THSD7A: variants seen among roughly 807,000 people sequenced by gnomAD.
THSD7A encodes thrombospondin type-1 domain-containing protein 7A.
A neutral mutation model predicts 231.3 loss-of-function variants in THSD7A; 96 were observed. That is an observed-to-expected ratio of 0.41 (90% CI 0.35 to 0.49). The LOEUF is 0.49. Among genes scored for constraint, THSD7A ranks in the 20% least tolerant of loss-of-function variants. The probability of loss-of-function intolerance (pLI) is 0.05; values close to 1 mark genes in which losing one functional copy is unlikely to be tolerated. For missense variants in THSD7A, 2,290 were observed against 2,070.2 expected (o/e 1.11, Z -2.06); for synonymous variants, 940 against 743.3 (o/e 1.26, Z -4.30).
At chr7:11,580,042 T>C (rs1791088626) in intron 4 of THSD7A, among the ~76,000 whole-genome samples, 1 of 152,180 alleles carries the variant, frequency 6.6e-6, no homozygotes, top group Non-Finnish European at 1.5e-5. Context: ...AATTTTGAAA[T>C]CTGGCTGTTT....
intron 4 of THSD7A, among the ~76,000 whole-genome samples, chr7:11,589,021 G>T (rs1780041842): frequency 6.6e-6 from 1 of 152,066 alleles, no homozygotes; most frequent in African/African-American, 2.4e-5. Context: ...ATGAATTACT[G>T]GTCACTGGTG....
chr7:11,417,821 T>C (rs1406929757), intron 16 of THSD7A, among the ~76,000 whole-genome samples: 1 of 152,170 alleles, frequency 6.6e-6, no homozygotes, highest in East Asian at 1.9e-4. Flanking sequence ...TGCTTCTGCA[T>C]GATTCAAAAA....
At chr7:11,437,670 G>A (rs2128292396) in intron 13 of THSD7A, among the ~76,000 whole-genome samples, 1 of 152,102 alleles carries the variant, frequency 6.6e-6, no homozygotes, top group South Asian at 2.1e-4. Flanking sequence ...TTGTTTACAA[G>A]ACTCTATTTA....
intron 13 of THSD7A, among the ~76,000 whole-genome samples, chr7:11,432,551 A>G (rs2128290808): frequency 6.6e-6 from 1 of 152,192 alleles, no homozygotes; most frequent in African/African-American, 2.4e-5. Context: ...AATTTCATGT[A>G]AATCGAATCA....
chr7:11,620,938 C>A (rs542061439), intron 2 of THSD7A, among the ~76,000 whole-genome samples: 90 of 152,270 alleles, frequency 5.9e-4, no homozygotes, highest in African/African-American at 2.1e-3. Flanking sequence ...CCAATTTATT[C>A]TCAGCTTCAC....
intron 1 of THSD7A, among the ~76,000 whole-genome samples, chr7:11,679,795 T>C (rs934994174): frequency 6.6e-6 from 1 of 152,056 alleles, no homozygotes; most frequent in African/African-American, 2.4e-5. Flanking sequence ...GATTTAATGC[T>C]ATCCTGATCA....
intron 1 of THSD7A, among the ~76,000 whole-genome samples, chr7:11,747,562 T>C (rs1782351106): frequency 6.6e-6 from 1 of 152,002 alleles, no homozygotes; most frequent in Non-Finnish European, 1.5e-5. Flanking sequence ...TTATGTCTAG[T>C]ACAGTACACG....
rs187415909 is a variant in THSD7A at position 11,440,442 on chromosome 7, C to T, written c.3064+5619G>A. Among the ~76,000 whole-genome samples, 135 of 152,052 alleles carry T rather than the reference C, an allele frequency of 8.9e-4. 3 individuals carry two copies. The highest frequency in any genetic ancestry group is 3.0e-3 in the African/African-American group (123 of 41,520). Reference sequence around the variant, plus strand: ...AAGACTATACTTGCCATAGTTATTCCTCCAATGGATCCAGGCAAAGTATAT... The same window carrying T: ...AAGACTATACTTGCCATAGTTATTCTTCCAATGGATCCAGGCAAAGTATAT... On this transcript the variant is annotated intron_variant, in intron 13 of 27. Coordinates refer to ENST00000423059, the MANE Select transcript of THSD7A (RefSeq NM_015204.3).
intron 1 of THSD7A, among the ~76,000 whole-genome samples, chr7:11,666,291 GT>G (rs998569062): frequency 6.6e-6 from 1 of 151,934 alleles, no homozygotes; most frequent in Non-Finnish European, 1.5e-5. Flanking sequence ...ATACATTAAT[GT>G]TTCATATACA....
At chr7:11,625,667 CA>C in intron 2 of THSD7A, among the ~76,000 whole-genome samples, 1 of 151,314 alleles carries the variant, frequency 6.6e-6, no homozygotes, top group African/African-American at 2.4e-5. Context: ...AATGTGTTAG[CA>C]GACTCTAAAA....
At chr7:11,802,394 C>T (rs185064551) in intron 1 of THSD7A, among the ~76,000 whole-genome samples, 54 of 152,224 alleles carry the variant, frequency 3.5e-4, no homozygotes, top group African/African-American at 1.2e-3. Flanking sequence ...TGAGAAACAA[C>T]ATCTGTGTGT....
In THSD7A at chr7:11,637,406, C is replaced by G. The variant is rs932083627; in HGVS notation, c.191-445G>C. Among the ~76,000 whole-genome samples, 1 of 152,184 alleles carries G rather than the reference C, an allele frequency of 6.6e-6. No individual in the cohort carries two copies. The highest frequency in any genetic ancestry group is 2.4e-5 in the African/African-American group (1 of 41,440). On this transcript the variant is annotated intron_variant, in intron 1 of 27. Coordinates refer to ENST00000423059, the MANE Select transcript of THSD7A (RefSeq NM_015204.3). This position sits in a 1 kb window ranked among gnomAD's most constrained non-coding sequence, Gnocchi z 4.2. ...GGCATTTCTCTTCCTGGACAGTTAA[C>G]TATTTTGTGGAACTTGCTCTCTTCT...
intron 1 of THSD7A, among the ~76,000 whole-genome samples, chr7:11,652,690 T>C (rs866792875): frequency 6.6e-6 from 1 of 152,046 alleles, no homozygotes; most frequent in African/African-American, 2.4e-5. Flanking sequence ...ATTATAAATA[T>C]ACTTTTAAAA....
rs1784621401 is a variant in THSD7A at position 11,814,473 on chromosome 7, A to G, written c.190+17284T>C. 6.6e-6 allele frequency among the ~76,000 whole-genome samples: 1 copy of G among 152,208 alleles called. No homozygotes were observed. The highest frequency in any genetic ancestry group is 2.4e-5 in the African/African-American group (1 of 41,444). On this transcript the variant is annotated intron_variant, in intron 1 of 27. Coordinates refer to ENST00000423059, the MANE Select transcript of THSD7A (RefSeq NM_015204.3). The surrounding 1 kb of genome is among the most constrained non-coding windows in gnomAD (Gnocchi z 5.1). Reference sequence around the variant, plus strand: ...GACGATGCTATCAGGGTAGAAAATTACCTCAAGAAGAATGATCTTGAAAGC... The same window carrying G: ...GACGATGCTATCAGGGTAGAAAATTGCCTCAAGAAGAATGATCTTGAAAGC...
At chr7:11,422,275 T>A (rs1268309737) in intron 16 of THSD7A, among the ~76,000 whole-genome samples, 1 of 152,216 alleles carries the variant, frequency 6.6e-6, no homozygotes, top group Non-Finnish European at 1.5e-5. Flanking sequence ...CACTCCTTGA[T>A]AGGCCATATC....
chr7:11,443,734 A>G (rs1030847873), intron 13 of THSD7A, among the ~76,000 whole-genome samples: 1 of 152,054 alleles, frequency 6.6e-6, no homozygotes, highest in Non-Finnish European at 1.5e-5. Flanking sequence ...GATAGTTAAA[A>G]TGGTAATATT....
chr7:11,420,539 C>A (rs999701216), intron 16 of THSD7A, among the ~76,000 whole-genome samples: 1 of 152,206 alleles, frequency 6.6e-6, no homozygotes, highest in African/African-American at 2.4e-5. Context: ...GCCTGGATGT[C>A]CTGGCAGAAG....
intron 4 of THSD7A, among the ~76,000 whole-genome samples, chr7:11,546,973 G>A (rs1789426237): frequency 6.6e-6 from 1 of 152,128 alleles, no homozygotes; most frequent in African/African-American, 2.4e-5. Flanking sequence ...CTTGAAGAGT[G>A]GTTCTTCAAA....
intron 24 of THSD7A, 108 bp downstream of exon 24, chr7:11,382,413 G>C (rs1185058011): frequency 1.1e-6 from 1 of 894,658 alleles, no homozygotes; most frequent in Non-Finnish European, 1.8e-6. Context: ...TCCCAAACAG[G>C]CTTTGAATAC....
Sources: allele counts gnomAD v4.1 joint callset (sites outside exome capture counted in the v4.1 genomes callset), GRCh38; gene constraint gnomAD v4.1.1; non-coding constraint Gnocchi (gnomAD v3.1); transcripts MANE v1.5; gene names NCBI Gene and HGNC (gene_info 2026-07-23, HGNC 2026-07-21).